RBMS3: variants seen among roughly 807,000 people sequenced by gnomAD.
RBMS3 encodes the protein RNA-binding motif, single-stranded-interacting protein 3.
A neutral mutation model predicts 66.8 loss-of-function variants in RBMS3; 27 were observed. The observed-to-expected ratio is 0.40, with a 90% CI of 0.30 to 0.56. The LOEUF is 0.56. Ranked by LOEUF, RBMS3 falls within the 20% of genes least tolerant of loss-of-function variation. The pLI, the probability that RBMS3 is intolerant of heterozygous loss-of-function variation, is 0.40. For missense variants in RBMS3, 513 were observed against 549.5 expected, an observed-to-expected ratio of 0.93 and a Z score of 0.66; for synonymous variants, 188 against 183.0, an observed-to-expected ratio of 1.03 and a Z score of -0.22.
intron 6 of RBMS3, among the ~76,000 whole-genome samples, chr3:29,806,555 G>A (rs1185933736): frequency 1.3e-5 from 2 of 151,892 alleles, no homozygotes; most frequent in African/African-American, 4.8e-5. Context: ...ATCTGCTTGG[G>A]TAAGCCTCAC....
At chr3:29,943,194 A>C (rs889682703) in intron 11 of RBMS3, among the ~76,000 whole-genome samples, 3 of 151,808 alleles carry the variant, frequency 2.0e-5, no homozygotes, top group African/African-American at 7.3e-5. Flanking sequence ...GGAAAAAGAA[A>C]ATTTGGGATT....
intron 1 of RBMS3, among the ~76,000 whole-genome samples, chr3:29,322,999 T>A (rs1336037032): frequency 1.3e-5 from 2 of 152,172 alleles, no homozygotes; most frequent in Non-Finnish European, 2.9e-5. Context: ...GAACGCAACT[T>A]GGCATCACCA....
rs1407751175 is a variant in RBMS3 at position 29,303,017 on chromosome 3, A to G, written c.75+21261A>G. Among the ~76,000 whole-genome samples, 4 of 151,984 alleles carry G rather than the reference A, an allele frequency of 2.6e-5. No individual in the cohort carries two copies. The South Asian group carries it at 8.3e-4, about 31-fold the overall frequency. Reference sequence around the variant, plus strand: ...CTGCCTCCAGGATTCTAATGATCTCAGTGTGTGCTAAAAGGTCTATTTCCT... The same window carrying G: ...CTGCCTCCAGGATTCTAATGATCTCGGTGTGTGCTAAAAGGTCTATTTCCT... On this transcript the variant is annotated intron_variant, in intron 1 of 14. Transcript: ENST00000383767.
At chr3:29,505,468 T>C (rs560934558) in intron 3 of RBMS3, among the ~76,000 whole-genome samples, 8 of 151,982 alleles carry the variant, frequency 5.3e-5, no homozygotes, top group African/African-American at 1.9e-4. Context: ...AGCTTTGTAG[T>C]GTATTTTGAA....
chr3:29,667,731 G>T (rs1447705923), intron 4 of RBMS3, among the ~76,000 whole-genome samples: 1 of 152,014 alleles, frequency 6.6e-6, no homozygotes, highest in Non-Finnish European at 1.5e-5. Flanking sequence ...CACTGACCCA[G>T]TCTTTCTCTG....
intron 4 of RBMS3, among the ~76,000 whole-genome samples, chr3:29,617,359 A>G (rs1271146905): frequency 1.3e-5 from 2 of 152,236 alleles, no homozygotes; most frequent in Admixed American, 6.5e-5. Context: ...AAGAAGCCAG[A>G]CAAAAAAGAA....
At chr3:29,594,731 C>G (rs1473558168) in intron 4 of RBMS3, among the ~76,000 whole-genome samples, 28 of 151,940 alleles carry the variant, frequency 1.8e-4, no homozygotes, top group Non-Finnish European at 1.5e-5. Flanking sequence ...AGTTTTTTTC[C>G]TGATCCAAAT....
intron 4 of RBMS3, among the ~76,000 whole-genome samples, chr3:29,679,804 A>C (rs577057337): frequency 1.1e-4 from 16 of 148,984 alleles, no homozygotes; most frequent in Non-Finnish European, 1.9e-4. Flanking sequence ...TAGTGTTATA[A>C]ATTACTGCTA....
chr3:29,298,696 T>C (rs2125441396), intron 1 of RBMS3, among the ~76,000 whole-genome samples: 1 of 151,994 alleles, frequency 6.6e-6, no homozygotes, highest in South Asian at 2.1e-4. Context: ...TCTCCCACCC[T>C]TTTATGTACG....
At chr3:29,773,879 A>G (rs558846380) in intron 6 of RBMS3, among the ~76,000 whole-genome samples, 29 of 152,182 alleles carry the variant, frequency 1.9e-4, no homozygotes, top group African/African-American at 6.5e-4. Context: ...GAAGGATTCA[A>G]ACAGTTACAG....
intron 2 of RBMS3, among the ~76,000 whole-genome samples, chr3:29,470,089 G>T (rs974959361): frequency 2.0e-5 from 3 of 149,460 alleles, no homozygotes; most frequent in Non-Finnish European, 4.5e-5. Flanking sequence ...TAAATATACT[G>T]AAATATAATA....
chr3:29,833,865 C>T (rs933082147), intron 6 of RBMS3, among the ~76,000 whole-genome samples: 2 of 151,988 alleles, frequency 1.3e-5, no homozygotes, highest in African/African-American at 4.8e-5. Context: ...CCAAAGAAGA[C>T]TCACTACGAC....
chr3:29,473,670 T>C (rs2042837588), intron 2 of RBMS3, among the ~76,000 whole-genome samples: 1 of 152,074 alleles, frequency 6.6e-6, no homozygotes. Flanking sequence ...TAAGGCACGG[T>C]GAGAAATCGA....
At chr3:29,942,762 T>C (rs1380715530) in intron 11 of RBMS3, among the ~76,000 whole-genome samples, 2 of 151,722 alleles carry the variant, frequency 1.3e-5, no homozygotes, top group East Asian at 3.9e-4. Context: ...TAAAATGTCA[T>C]AAGTATATTC....
chr3:29,529,862 C>A (rs1235566642), intron 3 of RBMS3, among the ~76,000 whole-genome samples: 1 of 151,798 alleles, frequency 6.6e-6, no homozygotes, highest in Non-Finnish European at 1.5e-5. Context: ...ATTCCAGTAG[C>A]CCTTCATAAC....
chr3:29,949,370 G>A (rs543032024), intron 12 of RBMS3, among the ~76,000 whole-genome samples: 15 of 151,896 alleles, frequency 9.9e-5, no homozygotes, highest in African/African-American at 3.6e-4. Flanking sequence ...TAGCATGAAA[G>A]CAGACACAAG....
At chr3:29,679,963 A>G (rs1283218493) in intron 4 of RBMS3, among the ~76,000 whole-genome samples, 1 of 152,038 alleles carries the variant, frequency 6.6e-6, no homozygotes, top group Non-Finnish European at 1.5e-5. Context: ...TAGAATTGGA[A>G]CATATTTCAT....
intron 11 of RBMS3, among the ~76,000 whole-genome samples, chr3:29,939,629 T>C (rs753004072): frequency 1.3e-5 from 2 of 151,926 alleles, no homozygotes; most frequent in Non-Finnish European, 2.9e-5. Flanking sequence ...TTGTGACTCC[T>C]GCCCAAGGTT....
intron 3 of RBMS3, among the ~76,000 whole-genome samples, chr3:29,555,597 G>A (rs1328080428): frequency 6.6e-6 from 1 of 152,066 alleles, no homozygotes; most frequent in Non-Finnish European, 1.5e-5. Context: ...AAGAAATCAA[G>A]CCATCAAAAT....
Sources: gnomAD v4.1 joint callset for allele counts (sites outside exome capture counted in the v4.1 genomes callset) on GRCh38, gnomAD v4.1.1 for gene constraint, MANE v1.5 for transcripts, NCBI Gene and HGNC (gene_info 2026-07-23, HGNC 2026-07-21) for gene names.